FRMPD1: variants seen among roughly 807,000 people sequenced by gnomAD.
FRMPD1 encodes FERM and PDZ domain-containing protein 1.
In FRMPD1, 76 loss-of-function variants were observed where a neutral mutation model predicts 117.8. The observed-to-expected ratio is 0.65, with a 90% CI of 0.54 to 0.78. FRMPD1 has a LOEUF of 0.78. Among genes scored for constraint, FRMPD1 ranks in the 30% least tolerant of loss-of-function variants. The pLI, the probability that FRMPD1 is intolerant of heterozygous loss-of-function variation, is 0.00. For missense variants in FRMPD1, 1,786 were observed against 1,964.5 expected (o/e 0.91, Z 1.72); for synonymous variants, 783 against 770.4 (o/e 1.02, Z -0.27).
At chr9:37,623,368 C>T in the FRMPD1 span, among the ~76,000 whole-genome samples, 1 of 152,162 alleles carries the variant, frequency 6.6e-6, no homozygotes, top group Non-Finnish European at 1.5e-5. Flanking sequence ...GAAACAAACA[C>T]AAAGAGACTC....
chr9:37,719,521 G>C (rs1823301892), intron 6 of FRMPD1, among the ~76,000 whole-genome samples: 2 of 152,214 alleles, frequency 1.3e-5, no homozygotes, highest in South Asian at 4.1e-4. Flanking sequence ...GTGATCTATT[G>C]ATAATGGTGC....
intron 3 of FRMPD1, 42 bp from the exon 4 acceptor site, chr9:37,708,357 C>A: frequency 1.6e-6 from 2 of 1,212,464 alleles, no homozygotes; most frequent in Non-Finnish European, 2.4e-6. Context: ...GAGTCTGGGT[C>A]CTCCCGGCAT....
the FRMPD1 span, among the ~76,000 whole-genome samples, chr9:37,603,428 A>G: frequency 2.0e-5 from 3 of 152,158 alleles, no homozygotes; most frequent in African/African-American, 7.2e-5. Context: ...AGCCAAAAAA[A>G]CGAGTTAGGT....
upstream of FRMPD1, among the ~76,000 whole-genome samples, chr9:37,647,303 A>T (rs1824156615): frequency 6.6e-6 from 1 of 151,916 alleles, no homozygotes; most frequent in Non-Finnish European, 1.5e-5. Flanking sequence ...AGGTCAGGAG[A>T]TCAAGACCAT....
chr9:37,691,005 C>T (rs1270640494), intron 1 of FRMPD1, among the ~76,000 whole-genome samples: 6 of 152,188 alleles, frequency 3.9e-5, no homozygotes, highest in Non-Finnish European at 7.3e-5. Flanking sequence ...TAAGTTTCAC[C>T]TCTCAACTCT....
At chr9:37,709,951 C>T (rs1304305485) in intron 4 of FRMPD1, among the ~76,000 whole-genome samples, 2 of 152,186 alleles carry the variant, frequency 1.3e-5, no homozygotes, top group Non-Finnish European at 2.9e-5. Flanking sequence ...GCATCTGTAC[C>T]CTCTGCTGTC....
At chr9:37,627,628 C>A in the FRMPD1 span, among the ~76,000 whole-genome samples, 1 of 152,224 alleles carries the variant, frequency 6.6e-6, no homozygotes. Context: ...CATGCCACAC[C>A]ATGCCCAGCT....
At chr9:37,719,240 C>T (rs1302783241) in intron 6 of FRMPD1, 64 bp downstream of exon 6, 1 of 981,154 alleles carries the variant, frequency 1.0e-6, no homozygotes, top group Non-Finnish European at 1.6e-6. Flanking sequence ...CACATAACTC[C>T]CTGAACCTCT....
At chr9:37,711,180 T>C (rs560803105) in intron 4 of FRMPD1, among the ~76,000 whole-genome samples, 170 bp from the exon 5 acceptor site, 177 of 152,236 alleles carry the variant, frequency 1.2e-3, no homozygotes, top group African/African-American at 4.0e-3. Flanking sequence ...CATTTCCCAA[T>C]ATCTTTCTCA....
chr9:37,702,531 T>C (rs560959305), intron 2 of FRMPD1, among the ~76,000 whole-genome samples: 2 of 152,222 alleles, frequency 1.3e-5, no homozygotes, highest in Non-Finnish European at 2.9e-5. Flanking sequence ...AGCTGGACTT[T>C]GACTTGGCCT....
intron 1 of FRMPD1, among the ~76,000 whole-genome samples, chr9:37,669,510 G>A (rs1044893081): frequency 2.0e-5 from 3 of 152,188 alleles, no homozygotes; most frequent in African/African-American, 7.2e-5. Flanking sequence ...TCCTCTCCAT[G>A]TGTTTGACAC....
At chr9:37,631,153 A>G in the FRMPD1 span, among the ~76,000 whole-genome samples, 1 of 152,226 alleles carries the variant, frequency 6.6e-6, no homozygotes, top group Non-Finnish European at 1.5e-5. Context: ...ATGGAAAAGG[A>G]AGGGAAGAAC....
At chr9:37,648,540 G>A (rs547733400), upstream of FRMPD1, among the ~76,000 whole-genome samples, 15 of 152,256 alleles carry the variant, frequency 9.9e-5, no homozygotes, top group Admixed American at 2.6e-4. Context: ...GACTGGAGGC[G>A]GTTACTACAG....
At chr9:37,617,105 T>C in the FRMPD1 span, among the ~76,000 whole-genome samples, 1 of 152,256 alleles carries the variant, frequency 6.6e-6, no homozygotes, top group Admixed American at 6.5e-5. Flanking sequence ...TCTTAATCTC[T>C]ATCCTACGCC....
chr9:37,610,111 G>A, the FRMPD1 span, among the ~76,000 whole-genome samples: 1 of 152,124 alleles, frequency 6.6e-6, no homozygotes, highest in South Asian at 2.1e-4. Context: ...TTCTTAATTT[G>A]TTGTCTCTTT....
chr9:37,607,254 T>C, the FRMPD1 span, among the ~76,000 whole-genome samples: 2 of 152,006 alleles, frequency 1.3e-5, no homozygotes, highest in African/African-American at 4.8e-5. Context: ...AGGCGGAGGT[T>C]GCAGGGAGCC....
intron 1 of FRMPD1, among the ~76,000 whole-genome samples, chr9:37,656,652 T>C (rs1820851621): frequency 6.6e-6 from 1 of 152,116 alleles, no homozygotes. Context: ...AAATTTGTTT[T>C]GGTAATTACA....
At chr9:37,627,027 C>T in the FRMPD1 span, among the ~76,000 whole-genome samples, 1 of 152,090 alleles carries the variant, frequency 6.6e-6, no homozygotes, top group Non-Finnish European at 1.5e-5. Flanking sequence ...GTAGTCATTG[C>T]CAGTTACTCC....
At chr9:37,709,885 G>C (rs1481690031) in intron 4 of FRMPD1, among the ~76,000 whole-genome samples, 1 of 152,200 alleles carries the variant, frequency 6.6e-6, no homozygotes, top group East Asian at 1.9e-4. Flanking sequence ...TCTCCCCCTG[G>C]AAGGGCGAGC....
Sources: gnomAD v4.1 joint callset for allele counts (sites outside exome capture counted in the v4.1 genomes callset) on GRCh38, gnomAD v4.1.1 for gene constraint, MANE v1.5 for transcripts, NCBI Gene and HGNC (gene_info 2026-07-23, HGNC 2026-07-21) for gene names.